The following DOCK5 variants were observed in gnomAD, a reference collection of about 807,000 sequenced individuals.
DOCK5 encodes the protein dedicator of cytokinesis protein 5.
Under a neutral mutation model 251.8 loss-of-function variants are expected in DOCK5, and 142 were observed. The observed-to-expected ratio is 0.56, with a 90% confidence interval of 0.49 to 0.65. DOCK5 has a LOEUF of 0.65. Among genes scored for constraint, DOCK5 ranks in the 30% least tolerant of loss-of-function variants. The probability of loss-of-function intolerance (pLI) is 0.00; values close to 1 mark genes in which losing one functional copy is unlikely to be tolerated. For synonymous variants in DOCK5, 842 were observed against 835.5 expected (o/e 1.01, Z -0.13); for missense variants, 2,111 against 2,312.3 (o/e 0.91, Z 1.79).
At chr8:25,248,505 G>A (rs954331900) in intron 2 of DOCK5, among the ~76,000 whole-genome samples, 1 of 152,022 alleles carries the variant, frequency 6.6e-6, no homozygotes, top group Non-Finnish European at 1.5e-5. Flanking sequence ...AGCTGACTTT[G>A]GGGCGCTCCC....
chr8:25,320,852 T>C lies in DOCK5; in HGVS notation c.1543-128T>C, dbSNP rs866725644. ...AGCTCAGTCTCCTTTGAATGAAACC[T>C]ATACCAAATCTCACTCTCTAGTAAT... On this transcript the variant is annotated intron_variant, in intron 15 of 51. Transcript: ENST00000276440. 76 of 741,678 alleles carry C rather than the reference T, an allele frequency of 1.0e-4. No individual in the cohort carries two copies. In the African/African-American group the frequency reaches 1.1e-3, roughly 11 times the overall value. 45.9% of individuals were successfully genotyped at this position (741,678 alleles called of 1,614,324 possible).
chr8:25,357,309 A>T (rs1428093912), intron 27 of DOCK5, among the ~76,000 whole-genome samples: 1 of 151,398 alleles, frequency 6.6e-6, no homozygotes. Context: ...ATAATTTGGC[A>T]ATATATATAT....
chr8:25,321,162 C>A, intron 16 of DOCK5, 110 bp downstream of exon 16: 3 of 931,124 alleles, frequency 3.2e-6, no homozygotes, highest in Non-Finnish European at 5.0e-6. Context: ...AGAGACTTGG[C>A]AGCTGTATTT....
At chr8:25,221,123 C>G (rs892713854) in intron 1 of DOCK5, among the ~76,000 whole-genome samples, 1 of 152,122 alleles carries the variant, frequency 6.6e-6, no homozygotes, top group Non-Finnish European at 1.5e-5. Flanking sequence ...TCAGTCCCCC[C>G]CATTGTTGGG....
At chr8:25,222,308 C>A (rs17053200) in intron 1 of DOCK5, among the ~76,000 whole-genome samples, 13,269 of 152,104 alleles carry the variant, frequency 0.087, 1,602 homozygotes, top group African/African-American at 0.28. Flanking sequence ...GAGGGCCATG[C>A]CTTATTACTT....
At chr8:25,326,441 A>G (rs1324342634) in intron 18 of DOCK5, among the ~76,000 whole-genome samples, 1 of 152,194 alleles carries the variant, frequency 6.6e-6, no homozygotes, top group East Asian at 1.9e-4. Flanking sequence ...ACAAAAAGAT[A>G]AGGATTGTAT....
chr8:25,223,227 A>T (rs1563313761), intron 1 of DOCK5, among the ~76,000 whole-genome samples: 1 of 152,188 alleles, frequency 6.6e-6, no homozygotes. Flanking sequence ...GCTGGTCTTG[A>T]ACTCCTGGCC....
At chr8:25,390,408 AC>A in intron 42 of DOCK5, 121 bp downstream of exon 42, 1 of 849,214 alleles carries the variant, frequency 1.2e-6, no homozygotes, top group Non-Finnish European at 1.8e-6. Context: ...GGAATTTGAG[AC>A]CAGCCTGGGC....
intron 7 of DOCK5, among the ~76,000 whole-genome samples, chr8:25,298,215 G>A (rs1586306073): frequency 6.6e-6 from 1 of 151,936 alleles, no homozygotes; most frequent in African/African-American, 2.4e-5. Context: ...TACTTCTTTA[G>A]CATGGTCATG....
At chr8:25,267,247 G>C (rs920100367) in intron 2 of DOCK5, among the ~76,000 whole-genome samples, 1 of 152,182 alleles carries the variant, frequency 6.6e-6, no homozygotes, top group South Asian at 2.1e-4. Context: ...AGTGTTTCCT[G>C]TTTAGATATC....
intron 1 of DOCK5, among the ~76,000 whole-genome samples, chr8:25,220,591 G>A (rs539311624): frequency 5.3e-5 from 8 of 152,110 alleles, no homozygotes; most frequent in Middle Eastern, 3.4e-3. Flanking sequence ...CCCTGAGGCC[G>A]GAACATCTCT....
Position 25,292,014 on chromosome 8 carries a change from C to A in DOCK5, c.322-10C>A. The A allele has an allele frequency of 6.4e-7, 1 of 1,552,956 alleles. No individual in the cohort carries two copies. Among genetic ancestry groups the A allele is most frequent in the South Asian group, 1.2e-5 (1 of 82,178 alleles). On this transcript the variant is annotated splice_polypyrimidine_tract_variant and intron_variant, in intron 5 of 51. Transcript: ENST00000276440. ...AAGAATCTTTTCTTCATCATATTTT[C>A]TCATCTTAGAACAACAAGCTCACCC...
rs1801646783 is a variant in DOCK5, at chr8:25,412,328, G to GA, written c.*1036dup. 6.6e-6 allele frequency: 1 copy of GA among 151,988 alleles called. No homozygotes were observed. Among genetic ancestry groups the GA allele is most frequent in the Non-Finnish European group, 1.5e-5 (1 of 67,988 alleles). 9.4% of individuals were successfully genotyped at this position (151,988 alleles called of 1,614,324 possible). On this transcript the variant is annotated 3_prime_UTR_variant, in exon 52 of 52. Coordinates refer to ENST00000276440, the MANE Select transcript of DOCK5 (RefSeq NM_024940.8). ...GGTACTAGTAGTACTCCTTTCAGAA[G>GA]AAAAAATGGAGCGATTTAGGTGACC...
intron 3 of DOCK5, among the ~76,000 whole-genome samples, chr8:25,272,154 G>T (rs1010485301): frequency 6.6e-6 from 1 of 151,850 alleles, no homozygotes; most frequent in Non-Finnish European, 1.5e-5. Context: ...TCAGCCTCCC[G>T]TGTAGCTGGG....
intron 21 of DOCK5, among the ~76,000 whole-genome samples, chr8:25,335,010 A>C (rs1805768861): frequency 6.6e-6 from 1 of 152,202 alleles, no homozygotes; most frequent in Non-Finnish European, 1.5e-5. Flanking sequence ...TGGGCCCCTG[A>C]CTAAGGAAAG....
chr8:25,365,917 G>A (rs1296221061), intron 30 of DOCK5, among the ~76,000 whole-genome samples: 2 of 152,140 alleles, frequency 1.3e-5, no homozygotes, highest in Non-Finnish European at 2.9e-5. Flanking sequence ...TGCACATATA[G>A]ATGAATATAT....
At position 25,300,625 on chromosome 8, in the gene DOCK5, G is replaced by GAGA; in HGVS notation, c.817_819dup (p.Lys273dup). 6.2e-7 allele frequency: 1 copy of GAGA among 1,613,440 alleles called. No individual in the cohort carries two copies. Among genetic ancestry groups the GAGA allele is most frequent in the Non-Finnish European group, 8.5e-7 (1 of 1,179,676 alleles). ...CAGTAACGGGATGCCCAAGGAAATA[G>GAGA]AGAAGCTCAATAACCTCCAAGCAGT... On this transcript the variant is annotated inframe_insertion, in exon 9 of 52. Transcript: ENST00000276440.
chr8:25,243,182 C>T (rs1748977084), intron 1 of DOCK5, among the ~76,000 whole-genome samples: 1 of 152,184 alleles, frequency 6.6e-6, no homozygotes, highest in Non-Finnish European at 1.5e-5. Context: ...TAGTCTCTAA[C>T]ACAGTTCGTG....
chr8:25,392,457 G>A (rs749268846), intron 43 of DOCK5, among the ~76,000 whole-genome samples: 1 of 152,108 alleles, frequency 6.6e-6, no homozygotes, highest in Non-Finnish European at 1.5e-5. Context: ...TAGACAGCCA[G>A]CTGTCATCTC....
Sources: gnomAD v4.1 joint callset for allele counts (sites outside exome capture counted in the v4.1 genomes callset) on GRCh38, gnomAD v4.1.1 for gene constraint, MANE v1.5 for transcripts, NCBI Gene and HGNC (gene_info 2026-07-23, HGNC 2026-07-21) for gene names.